CLVS1: variants seen among roughly 807,000 people sequenced by gnomAD.
CLVS1 encodes the protein clavesin-1.
Under a neutral mutation model 33.1 loss-of-function variants are expected in CLVS1, and 10 were observed. That is an observed-to-expected ratio of 0.30 (90% CI 0.19 to 0.51). The LOEUF (loss-of-function observed/expected upper bound fraction) is 0.51, where lower values mean the gene tolerates loss of function less well. CLVS1 is among the 20% of genes least tolerant of loss of function. The pLI is 0.97. For synonymous variants in CLVS1, 163 were observed against 166.1 expected (o/e 0.98, Z 0.14); for missense variants, 343 against 433.4 (o/e 0.79, Z 1.85).
chr8:61,085,728 C>CA (rs57456582), intron 1 of CLVS1, among the ~76,000 whole-genome samples: 15,683 of 114,908 alleles, frequency 0.14, 2,518 homozygotes, highest in African/African-American at 0.39. Context: ...CCATCCCTAC[C>CA]AAAAAAAAAA....
Position 61,408,263 on chromosome 8 carries a change from A to T in CLVS1, c.630+31484A>T, listed in dbSNP as rs539053179. ...GGAAGCAATAGAAGTACATCTCAAG[A>T]GGTGAAATTTGAGCTTAGCCCTAAA... On this transcript the variant is annotated intron_variant, in intron 3 of 5. Coordinates refer to ENST00000325897, the MANE Select transcript of CLVS1 (RefSeq NM_173519.3). 7.7e-4 allele frequency among the ~76,000 whole-genome samples: 117 copies of T among 152,382 alleles called. 1 individual carries two copies. In the South Asian group the frequency reaches 0.023, roughly 30 times the overall value.
the CLVS1 span, among the ~76,000 whole-genome samples, chr8:60,973,872 G>T: frequency 4.6e-5 from 7 of 152,202 alleles, no homozygotes; most frequent in Non-Finnish European, 8.8e-5. Context: ...TCTCCTGGGT[G>T]GGGGAGGTGG....
intron 2 of CLVS1, among the ~76,000 whole-genome samples, chr8:61,255,064 G>GT (rs1318828923): frequency 3.0e-4 from 46 of 152,204 alleles, no homozygotes; most frequent in Non-Finnish European, 7.4e-5. Context: ...CCTATTTGTG[G>GT]TTTTTTGTAT....
intron 2 of CLVS1, among the ~76,000 whole-genome samples, chr8:61,375,430 T>C (rs1043956828): frequency 2.6e-5 from 4 of 152,084 alleles, no homozygotes; most frequent in Non-Finnish European, 5.9e-5. Flanking sequence ...TTTGTATTTT[T>C]AGTCGAGACG....
intron 5 of CLVS1, among the ~76,000 whole-genome samples, chr8:61,496,558 G>T (rs1804274780): frequency 6.6e-6 from 1 of 152,166 alleles, no homozygotes; most frequent in South Asian, 2.1e-4. Flanking sequence ...ACAACCTAGA[G>T]CTTCCTTCCT....
chr8:61,196,550 A>C (rs987027946), intron 2 of CLVS1, among the ~76,000 whole-genome samples: 1 of 152,188 alleles, frequency 6.6e-6, no homozygotes, highest in Admixed American at 6.5e-5. Context: ...GCACAGTTGA[A>C]CTTGGTGTCT....
chr8:61,162,532 T>C (rs114116548), intron 2 of CLVS1, among the ~76,000 whole-genome samples: 2,530 of 152,334 alleles, frequency 0.017, 30 homozygotes, highest in African/African-American at 0.024. Context: ...TGTCTATGAA[T>C]TCCAGTTGAA....
intron 3 of CLVS1, 104 bp from the exon 4 acceptor site, chr8:61,454,037 A>T: frequency 1.3e-6 from 1 of 784,582 alleles, no homozygotes. Context: ...TAGAGCTTCT[A>T]CCAGGCAGGA....
chr8:61,200,201 C>T (rs772008074), intron 2 of CLVS1, among the ~76,000 whole-genome samples: 2 of 152,140 alleles, frequency 1.3e-5, no homozygotes, highest in Non-Finnish European at 2.9e-5. Flanking sequence ...TCACTGCAAC[C>T]TCCATCTCCT....
chr8:60,981,949 C>G, the CLVS1 span, among the ~76,000 whole-genome samples: 1 of 152,356 alleles, frequency 6.6e-6, no homozygotes, highest in East Asian at 1.9e-4. Flanking sequence ...GTGTGACCTG[C>G]TTTCAGACAC....
chr8:61,030,087 G>C, the CLVS1 span, among the ~76,000 whole-genome samples: 1 of 152,248 alleles, frequency 6.6e-6, no homozygotes, highest in African/African-American at 2.4e-5. Context: ...CCATTTGGCA[G>C]CCAGTGGACT....
At chr8:61,218,957 A>G (rs1454532635) in intron 2 of CLVS1, among the ~76,000 whole-genome samples, 1 of 152,088 alleles carries the variant, frequency 6.6e-6, no homozygotes, top group Non-Finnish European at 1.5e-5. Context: ...ATAAAACAAA[A>G]CAAGAGGAAA....
Position 61,453,013 on chromosome 8 carries a change from G to A in CLVS1, c.631-1128G>A, listed in dbSNP as rs575299829. Among the ~76,000 whole-genome samples the A allele has an allele frequency of 4.6e-5, 7 of 151,974 alleles. No homozygotes were observed. The East Asian group carries it at 5.8e-4, about 13-fold the overall frequency. ...CCCGGGTGAGGCATCTCATATACCC[G>A]CAGGGAGCAGCTCGCTGCTGAACCA... On this transcript the variant is annotated intron_variant, in intron 3 of 5. Transcript: ENST00000325897.
chr8:61,064,669 T>C (rs1005662661), intron 1 of CLVS1, among the ~76,000 whole-genome samples: 29 of 151,910 alleles, frequency 1.9e-4, no homozygotes, highest in Middle Eastern at 3.4e-3. Flanking sequence ...GCCTCCTGAG[T>C]AGCTGGGATT....
chr8:61,277,357 C>T lies in CLVS1; in HGVS notation c.-151-22320C>T, dbSNP rs533085258. Among the ~76,000 whole-genome samples, 60 of 152,326 alleles carry T rather than the reference C, an allele frequency of 3.9e-4. 1 individual carries two copies. The South Asian group carries it at 0.012, about 31-fold the overall frequency. ...AACCTGCATTCAGGGCTTGTGTGGA[C>T]TTCTGCATAAGGTCCTGCTTCCTGA... On this transcript the variant is annotated intron_variant, in intron 2 of 2. Transcript: ENST00000522621.
At chr8:61,241,638 A>G (rs1334460374) in intron 2 of CLVS1, among the ~76,000 whole-genome samples, 1 of 152,230 alleles carries the variant, frequency 6.6e-6, no homozygotes, top group Non-Finnish European at 1.5e-5. Context: ...CATTTGTACT[A>G]CATCCACATA....
chr8:61,022,779 TAG>T, the CLVS1 span, among the ~76,000 whole-genome samples: 3 of 152,158 alleles, frequency 2.0e-5, no homozygotes, highest in African/African-American at 7.2e-5. Context: ...CTGAAAACAA[TAG>T]AGAGTGGTAC....
At chr8:61,131,206 A>G (rs1271603322) in intron 1 of CLVS1, among the ~76,000 whole-genome samples, 1 of 152,170 alleles carries the variant, frequency 6.6e-6, no homozygotes, top group African/African-American at 2.4e-5. Flanking sequence ...TGGATTCACA[A>G]AGGATTTTGA....
chr8:61,179,893 A>G (rs940919861), intron 2 of CLVS1, among the ~76,000 whole-genome samples: 1 of 152,224 alleles, frequency 6.6e-6, no homozygotes, highest in African/African-American at 2.4e-5. Flanking sequence ...AGCTAGAAAG[A>G]TCTCAAATCA....
Sources: gnomAD v4.1 joint callset for allele counts (sites outside exome capture counted in the v4.1 genomes callset) on GRCh38, gnomAD v4.1.1 for gene constraint, MANE v1.5 for transcripts, NCBI Gene and HGNC (gene_info 2026-07-23, HGNC 2026-07-21) for gene names.